RPL9: variants seen among roughly 807,000 people sequenced by gnomAD.
RPL9 encodes the protein large ribosomal subunit protein uL6.
For synonymous variants in RPL9, 82 were observed against 77.1 expected (o/e 1.06, Z -0.33); for missense variants, 149 against 236.7 (o/e 0.63, Z 2.43).
At chr4:39,455,184 T>C in intron 5 of RPL9, 1 of 362,774 alleles carries the variant, frequency 2.8e-6, no homozygotes. Context: ...CCATCTCTAG[T>C]AAAAATACAA....
intron 5 of RPL9, 177 bp downstream of exon 5, chr4:39,456,229 C>A (rs1391777324): frequency 5.9e-6 from 4 of 681,338 alleles, no homozygotes; most frequent in South Asian, 1.7e-5. Flanking sequence ...ATGATATAAA[C>A]CCTTAAGTAG....
chr4:39,458,538 G>A (rs565646775), intron 1 of RPL9, 98 bp from the exon 2 acceptor site: 33 of 1,319,532 alleles, frequency 2.5e-5, no homozygotes, highest in South Asian at 1.9e-4. Context: ...CTGCCAGGCG[G>A]AAGTTCCAGA....
At position 39,454,608 on chromosome 4, in the gene RPL9, T is replaced by C. The variant is rs1744014667; in HGVS notation, c.514A>G (p.Ile172Val). The C allele has an allele frequency of 6.2e-7, 1 of 1,613,380 alleles. No individual in the cohort carries two copies. Among genetic ancestry groups the C allele is most frequent in the African/African-American group, 1.3e-5 (1 of 74,944 alleles). ...TAGATACCATCCAAAAATTTCCTGA[T>C]ATCCTTGTTTTTAACTGTTGTGGCT... ...QQATTVKNKDIRKFLDGIYVS... is the reference protein window; with the variant it reads ...QQATTVKNKDVRKFLDGIYVS... The change falls in exon 7 of 8, where the codon ATC becomes GTC. Residue 172 changes from isoleucine (I) to valine (V), a missense_variant. Coordinates refer to ENST00000295955, the MANE Select transcript of RPL9 (RefSeq NM_000661.5).
intron 5 of RPL9, 77 bp from the exon 6 acceptor site, chr4:39,455,021 C>A (rs772600298): frequency 4.6e-5 from 62 of 1,361,450 alleles, no homozygotes; most frequent in African/African-American, 8.8e-5. Flanking sequence ...CTAATTTATT[C>A]CATGTAAAAC....
chr4:39,458,455 CTG>C lies in RPL9; in HGVS notation c.-1-17_-1-16del, dbSNP rs763568710. Reference sequence around the variant, plus strand: ...TAGTCTTCATTCTGAAACACAAACACTGGGGGTGAGGCCGACGCAAGGCCCGT... The same window carrying C: ...TAGTCTTCATTCTGAAACACAAACACGGGGTGAGGCCGACGCAAGGCCCGT... On this transcript the variant is annotated splice_polypyrimidine_tract_variant and intron_variant, in intron 1 of 7. Transcript: ENST00000295955. 1 of 1,613,986 alleles carries C rather than the reference CTG, an allele frequency of 6.2e-7. No homozygotes were observed. Among genetic ancestry groups the C allele is most frequent in the South Asian group, 1.1e-5 (1 of 91,086 alleles).
intron 4 of RPL9, chr4:39,456,808 A>G: frequency 2.7e-6 from 1 of 367,866 alleles, no homozygotes; most frequent in Non-Finnish European, 5.0e-6. Context: ...CCCTGATCTT[A>G]GACATTAGAC....
At position 39,457,575 on chromosome 4, in the gene RPL9, C is replaced by A. The variant is rs1434275596; in HGVS notation, c.258+11G>T. The A allele has an allele frequency of 1.9e-6, 3 of 1,607,166 alleles. No individual in the cohort carries two copies. Among genetic ancestry groups the A allele is most frequent in the Non-Finnish European group, 1.7e-6 (2 of 1,173,870 alleles). On this transcript the variant is annotated intron_variant, in intron 4 of 7. Transcript: ENST00000295955. ...CTTTCCAAAACAAGGAAGTCTGATA[C>A]ATCTGCTTACCAGTGTAACACCCTT...
At chr4:39,454,495 A>G in intron 7 of RPL9, 38 bp downstream of exon 7, 1 of 1,428,832 alleles carries the variant, frequency 7.0e-7, no homozygotes, top group Non-Finnish European at 9.7e-7. Context: ...TCATTCAACT[A>G]GAGCAGTAAT....
Position 39,455,093 on chromosome 4 carries a change from T to C in RPL9, c.392-149A>G, listed in dbSNP as rs1204396882. On this transcript the variant is annotated intron_variant, in intron 5 of 7. Coordinates refer to ENST00000295955, the MANE Select transcript of RPL9 (RefSeq NM_000661.5). Reference sequence around the variant, plus strand: ...GGCCGGGCACAGTGGCTCACGCCTGTAATCTCAGCACTTTGGGAGGCCGAG... The same window carrying C: ...GGCCGGGCACAGTGGCTCACGCCTGCAATCTCAGCACTTTGGGAGGCCGAG... 1.1e-5 allele frequency: 8 copies of C among 730,992 alleles called. No homozygotes were observed. The African/African-American group carries it at 1.4e-4, about 13-fold the overall frequency. 45.3% of individuals were successfully genotyped at this position (730,992 alleles called of 1,614,324 possible).
Position 39,458,432 on chromosome 4 carries a change from G to A in RPL9, c.8C>T (p.Thr3Ile), listed in dbSNP as rs1260341865. ...GTCGACAGTCTGATTGCTGAGAATA[G>A]TCTTCATTCTGAAACACAAACACTG... is the stretch of plus-strand genomic sequence containing the variant. MK[T>I]ILSNQTVDIP... is the part of the protein sequence containing the mutation. The change falls in exon 2 of 8, where the codon ACT becomes ATT. Residue 3 changes from threonine (T) to isoleucine (I), a missense_variant. Thr to Ile is a moderately conservative substitution (Grantham distance 89). Coordinates refer to ENST00000295955, the MANE Select transcript of RPL9 (RefSeq NM_000661.5). 3 of 1,614,092 alleles carry A rather than the reference G, an allele frequency of 1.9e-6. No homozygotes were observed. Among genetic ancestry groups the A allele is most frequent in the African/African-American group, 2.7e-5 (2 of 74,932 alleles).
intron 4 of RPL9, 32 bp downstream of exon 4, chr4:39,457,554 C>A: frequency 6.4e-7 from 1 of 1,567,006 alleles, no homozygotes; most frequent in Non-Finnish European, 8.8e-7. Flanking sequence ...ACCTCCCTTT[C>A]CAAAACAAGG....
At chr4:39,457,703 A>G (rs1316169586) in intron 3 of RPL9, 22 bp from the exon 4 acceptor site, 1 of 1,591,742 alleles carries the variant, frequency 6.3e-7, no homozygotes, top group African/African-American at 1.3e-5. Context: ...CAAAAAATGT[A>G]TTCTTTCCAG....
chr4:39,458,137 T>C, intron 3 of RPL9, 57 bp downstream of exon 3: 1 of 1,543,304 alleles, frequency 6.5e-7, no homozygotes, highest in Non-Finnish European at 8.9e-7. Flanking sequence ...CCAAATGTGA[T>C]GCTGTTATAA....
intron 7 of RPL9, 90 bp from the exon 8 acceptor site, chr4:39,454,315 C>A: frequency 2.2e-6 from 1 of 449,554 alleles, no homozygotes; most frequent in Non-Finnish European, 3.9e-6. Context: ...TCTAAATAAT[C>A]TAAAACATAC....
At position 39,454,846 on chromosome 4, in the gene RPL9, CA is replaced by C; in HGVS notation, c.472+17del. 3 of 1,609,734 alleles carry C rather than the reference CA, an allele frequency of 1.9e-6. No homozygotes were observed. The South Asian group carries it at 3.3e-5, about 18-fold the overall frequency. ...ACAAAATCTTGTAGGCATAGTTAGA[CA>C]TAGTAAACATACAAACCTGAATTTG... is the stretch of plus-strand genomic sequence containing the variant. On this transcript the variant is annotated intron_variant, in intron 6 of 7. Transcript: ENST00000295955.
intron 3 of RPL9, 97 bp downstream of exon 3, chr4:39,458,097 T>C: frequency 1.7e-6 from 2 of 1,209,776 alleles, no homozygotes; most frequent in Non-Finnish European, 2.4e-6. Context: ...GCTGAAGCAC[T>C]GAACCTTAAT....
Position 39,456,638 on chromosome 4 carries a change from C to T in RPL9, c.259-100G>A. On this transcript the variant is annotated intron_variant, in intron 4 of 7. Transcript: ENST00000295955. ...CTTATACTTATTTTAAAACGTAACA[C>T]TCACTGCCAAGATTTTCTAATAACT... 3.1e-6 allele frequency: 4 copies of T among 1,290,930 alleles called. No individual in the cohort carries two copies. The South Asian group carries it at 4.4e-5, about 14-fold the overall frequency. The allele number at this position is 1,290,930 out of a possible 1,614,324, so 80.0% of individuals were successfully genotyped here. A position where few individuals can be genotyped will look rare whatever the true frequency, so the allele number is the denominator to read the frequency against.
rs942800305 is a variant in RPL9, at chr4:39,458,458, G to T, written c.-1-18C>A. On this transcript the variant is annotated intron_variant, in intron 1 of 7. Transcript: ENST00000295955. Reference sequence around the variant, plus strand: ...TCTTCATTCTGAAACACAAACACTGGGGGTGAGGCCGACGCAAGGCCCGTT... The same window carrying T: ...TCTTCATTCTGAAACACAAACACTGTGGGTGAGGCCGACGCAAGGCCCGTT... 1.2e-6 allele frequency: 2 copies of T among 1,613,684 alleles called. No homozygotes were observed. Among genetic ancestry groups the T allele is most frequent in the Non-Finnish European group, 1.7e-6 (2 of 1,179,630 alleles).
rs1382381218 is a variant in RPL9 at position 39,458,181 on chromosome 4, G to A, written c.162+13C>T. 1.2e-5 allele frequency: 19 copies of A among 1,613,244 alleles called. No homozygotes were observed. Among genetic ancestry groups the A allele is most frequent in the East Asian group, 6.7e-5 (3 of 44,888 alleles). On this transcript the variant is annotated intron_variant, in intron 3 of 7. Coordinates refer to ENST00000295955, the MANE Select transcript of RPL9 (RefSeq NM_000661.5). ...CCAACGAGCAACTGAATTATCAGAA[G>A]AAAAACCCTCACCCTCTTTTTTTTC...
Sources: allele counts gnomAD v4.1 joint callset, GRCh38; gene constraint gnomAD v4.1.1; transcripts MANE v1.5; gene names NCBI Gene and HGNC (gene_info 2026-07-23, HGNC 2026-07-21).